EPB41L3: variants seen among roughly 807,000 people sequenced by gnomAD.
The protein encoded by EPB41L3 is erythrocyte membrane protein band 4.1 like 3, also known as band 4.1-like protein 3.
Under a neutral mutation model 127.1 loss-of-function variants are expected in EPB41L3, and 57 were observed. The ratio of observed to expected loss-of-function variants is 0.45; its 90% CI spans 0.36 to 0.56. EPB41L3 has a LOEUF of 0.56. Among genes scored for constraint, EPB41L3 ranks in the 20% least tolerant of loss-of-function variants. EPB41L3 has a pLI of 0.00. For missense variants in EPB41L3, 1,273 were observed against 1,372.2 expected (o/e 0.93, Z 1.14); for synonymous variants, 572 against 549.5 (o/e 1.04, Z -0.57).
chr18:5,426,869 T>C (rs868072654), intron 9 of EPB41L3, among the ~76,000 whole-genome samples: 2 of 152,366 alleles, frequency 1.3e-5, no homozygotes, highest in South Asian at 2.1e-4. Flanking sequence ...AAGTTTAATA[T>C]ACAATCTTTA....
intron 1 of EPB41L3, among the ~76,000 whole-genome samples, chr18:5,615,046 C>T (rs2094776938): frequency 6.6e-6 from 1 of 152,098 alleles, no homozygotes; most frequent in African/African-American, 2.4e-5. Context: ...AGTGGACAGT[C>T]TGTACCCTAA....
chr18:5,533,156 A>G (rs1194268103), intron 1 of EPB41L3, among the ~76,000 whole-genome samples: 1 of 152,216 alleles, frequency 6.6e-6, no homozygotes, highest in African/African-American at 2.4e-5. Flanking sequence ...TGAGGGGGAA[A>G]AAAGCCAACG....
Position 5,610,157 on chromosome 18 carries a change from G to A in EPB41L3, c.-306+2183C>T, listed in dbSNP as rs115371724. 414 of 985,324 alleles carry A rather than the reference G, an allele frequency of 4.2e-4. 3 individuals are homozygous for A. The African/African-American group carries it at 6.6e-3, about 16-fold the overall frequency. 61.0% of individuals were successfully genotyped at this position (985,324 alleles called of 1,614,324 possible). On this transcript the variant is annotated intron_variant, in intron 3 of 21. Coordinates refer to the EPB41L3 transcript ENST00000545076. ...TTCAGGACTCACCCACATTATCCAC[G>A]TCCCAACAAGCAAAGGTAACGTATT...
intron 22 of EPB41L3, 54 bp from the exon 23 acceptor site, chr18:5,393,532 C>T: frequency 1.4e-6 from 1 of 699,054 alleles, no homozygotes; most frequent in South Asian, 1.5e-5. Flanking sequence ...GAAAGATTTT[C>T]TCAGATCAAG....
At chr18:5,420,056 AAAAAC>A in intron 11 of EPB41L3, 179 bp from the exon 12 acceptor site, 1 of 1,355,628 alleles carries the variant, frequency 7.4e-7, no homozygotes, top group Non-Finnish European at 9.8e-7. Flanking sequence ...TTTGCCTTGA[AAAAAC>A]AAATCAGTGC....
intron 3 of EPB41L3, among the ~76,000 whole-genome samples, chr18:5,471,387 A>G (rs1355937508): frequency 1.3e-5 from 2 of 152,182 alleles, no homozygotes; most frequent in African/African-American, 2.4e-5. Context: ...TCCACAGCTC[A>G]TGGGAAAACT....
chr18:5,625,809 G>C (rs930635074), intron 1 of EPB41L3, among the ~76,000 whole-genome samples: 1 of 152,156 alleles, frequency 6.6e-6, no homozygotes, highest in African/African-American at 2.4e-5. Flanking sequence ...TGGTGGCTCA[G>C]AGATCTTATA....
intron 2 of EPB41L3, chr18:5,480,936 T>A (rs371614123): frequency 2.0e-5 from 3 of 152,196 alleles, no homozygotes; most frequent in Non-Finnish European, 4.4e-5. Flanking sequence ...ACATTTACTT[T>A]AGTAATTTTA....
intron 3 of EPB41L3, among the ~76,000 whole-genome samples, chr18:5,462,613 G>T (rs565082840): frequency 6.6e-6 from 1 of 152,258 alleles, no homozygotes; most frequent in South Asian, 2.1e-4. Context: ...TGGAAAACAG[G>T]TTCGGTGTGG....
At chr18:5,572,548 G>A (rs1335252623) in intron 3 of EPB41L3, among the ~76,000 whole-genome samples, 1 of 152,096 alleles carries the variant, frequency 6.6e-6, no homozygotes, top group Non-Finnish European at 1.5e-5. Flanking sequence ...GAACTTCTGA[G>A]TTTGTTTCTG....
intron 11 of EPB41L3, among the ~76,000 whole-genome samples, chr18:5,422,580 T>C (rs1205160397): frequency 1.3e-5 from 2 of 152,218 alleles, no homozygotes; most frequent in African/African-American, 2.4e-5. Flanking sequence ...AATCTCCAGG[T>C]GCTCCAAATG....
At chr18:5,596,907 G>T (rs2094542059) in intron 3 of EPB41L3, among the ~76,000 whole-genome samples, 1 of 151,916 alleles carries the variant, frequency 6.6e-6, no homozygotes, top group African/African-American at 2.4e-5. Flanking sequence ...CCAGCATTTT[G>T]AAATCTCCTC....
At chr18:5,437,007 G>A (rs117276462) in intron 6 of EPB41L3, among the ~76,000 whole-genome samples, 2,108 of 152,274 alleles carry the variant, frequency 0.014, 23 homozygotes, top group South Asian at 0.042. Context: ...TGCATACACT[G>A]CACAAAATTG....
chr18:5,440,650 ATTC>A (rs1432907974), intron 5 of EPB41L3, among the ~76,000 whole-genome samples: 1 of 152,238 alleles, frequency 6.6e-6, no homozygotes. Flanking sequence ...ATGATAGTTC[ATTC>A]TTATGAAAAA....
At chr18:5,504,126 C>T (rs1022113552) in intron 1 of EPB41L3, among the ~76,000 whole-genome samples, 3 of 152,114 alleles carry the variant, frequency 2.0e-5, no homozygotes, top group African/African-American at 7.2e-5. Flanking sequence ...AACAATAGAA[C>T]TTTGCTAATG....
intron 3 of EPB41L3, among the ~76,000 whole-genome samples, chr18:5,604,336 G>A (rs1288791470): frequency 1.3e-5 from 2 of 151,916 alleles, no homozygotes; most frequent in Non-Finnish European, 2.9e-5. Flanking sequence ...AGAATAAGTA[G>A]CAGAAATTTA....
At chr18:5,614,841 A>C (rs1177982155) in intron 1 of EPB41L3, among the ~76,000 whole-genome samples, 3 of 152,364 alleles carry the variant, frequency 2.0e-5, no homozygotes, top group African/African-American at 7.2e-5. Context: ...AACTAAAAGC[A>C]TGATTATGAT....
In EPB41L3 at chr18:5,397,280, C is replaced by A. The variant is rs764952165; in HGVS notation, c.2619G>T (p.Ser873=). 4 of 1,613,966 alleles carry A rather than the reference C, an allele frequency of 2.5e-6. No homozygotes were observed. Among genetic ancestry groups the A allele is most frequent in the African/African-American group, 2.7e-5 (2 of 74,984 alleles). The change falls in exon 18 of 23, where the codon TCG becomes TCT. Residue 873 remains serine, a synonymous_variant. Transcript: ENST00000341928. This position sits in a 1 kb window ranked among gnomAD's most constrained non-coding sequence, Gnocchi z 4.1. ...CTGCAGCATCCCCGCTGTCTCCCGC[C>A]GAGTAAGAAGCATCCCCACTCGCGT... The part of the protein sequence containing the change: ...VVHASGDASY[S]AGDSGDAAAQ...
At chr18:5,464,806 C>T (rs1239293928) in intron 3 of EPB41L3, among the ~76,000 whole-genome samples, 1 of 152,146 alleles carries the variant, frequency 6.6e-6, no homozygotes, top group African/African-American at 2.4e-5. Flanking sequence ...GAAGACATAG[C>T]AGAACTAGAA....
Sources: gnomAD v4.1 joint callset for allele counts (sites outside exome capture counted in the v4.1 genomes callset) on GRCh38, gnomAD v4.1.1 for gene constraint, Gnocchi (gnomAD v3.1) non-coding constraint, MANE v1.5 for transcripts, NCBI Gene and HGNC (gene_info 2026-07-23, HGNC 2026-07-21) for gene names.